The following RNGTT variants were observed in gnomAD, a reference collection of about 807,000 sequenced individuals.
RNGTT encodes the protein RNA guanylyltransferase and 5'-phosphatase, also known as mRNA-capping enzyme.
RNGTT carries 33 observed loss-of-function variants against 79.3 expected under a neutral mutation model. The ratio of observed to expected loss-of-function variants is 0.42; its 90% CI spans 0.32 to 0.56. The LOEUF (loss-of-function observed/expected upper bound fraction) is 0.56. Ranked by LOEUF, RNGTT falls within the 20% of genes least tolerant of loss-of-function variation. The pLI, the probability that RNGTT is intolerant of heterozygous loss-of-function variation, is 0.17. For missense variants in RNGTT, 497 were observed against 739.1 expected (o/e 0.67, Z 3.80); for synonymous variants, 222 against 235.9 (o/e 0.94, Z 0.54).
chr6:88,771,316 T>TGTGTGTATATATATATATAG (rs1778662533), intron 12 of RNGTT, among the ~76,000 whole-genome samples: 1 of 13,662 alleles, frequency 7.3e-5, no homozygotes, highest in Non-Finnish European at 2.1e-4. Flanking sequence ...TGTGTGTGTG[T>TGTGTGTATATATATATATAG]ATATATATAT....
chr6:88,669,686 T>C lies in RNGTT; in HGVS notation c.1506+8667A>G, dbSNP rs573735427. 3.3e-5 allele frequency among the ~76,000 whole-genome samples: 5 copies of C among 152,332 alleles called. No homozygotes were observed. In the East Asian group the frequency reaches 7.7e-4, roughly 24 times the overall value. On this transcript the variant is annotated intron_variant, in intron 14 of 15. Coordinates refer to ENST00000369485, the MANE Select transcript of RNGTT (RefSeq NM_003800.5). ...CTAGACTATACTGGATATGTGGACA[T>C]AGAGCCTATGCCAAGCTACCTGATC...
chr6:88,949,218 CCAGTGAA>C (rs1490726998), intron 1 of RNGTT, among the ~76,000 whole-genome samples: 2 of 141,508 alleles, frequency 1.4e-5, no homozygotes, highest in South Asian at 4.5e-4. Context: ...AAGTGCTACT[CCAGTGAA>C]CACACAAATG....
chr6:88,865,728 T>C (rs145296130), intron 8 of RNGTT, among the ~76,000 whole-genome samples: 1 of 152,280 alleles, frequency 6.6e-6, no homozygotes, highest in East Asian at 1.9e-4. Flanking sequence ...AAGAGCTTGT[T>C]TTCTAAACAT....
chr6:88,682,749 T>C (rs1222757272), intron 13 of RNGTT, among the ~76,000 whole-genome samples: 7 of 152,034 alleles, frequency 4.6e-5, no homozygotes, highest in Non-Finnish European at 1.0e-4. Context: ...CTCTCCTTCC[T>C]CCCACATAAA....
At position 88,681,737 on chromosome 6, in the gene RNGTT, T is replaced by C. The variant is rs182546928; in HGVS notation, c.1440-3318A>G. On this transcript the variant is annotated intron_variant, in intron 13 of 15. Coordinates refer to ENST00000369485, the MANE Select transcript of RNGTT (RefSeq NM_003800.5). ...ACACATTTATATGTATATTTTAAAA[T>C]AGAAACCCTGACTCACTTGGTACCA... Among the ~76,000 whole-genome samples the C allele has an allele frequency of 1.8e-3, 277 of 152,284 alleles. 3 individuals are homozygous for C. Among genetic ancestry groups the C allele is most frequent in the African/African-American group, 6.5e-3 (271 of 41,568 alleles).
At chr6:88,798,275 G>A (rs957903689) in intron 12 of RNGTT, among the ~76,000 whole-genome samples, 15 of 151,960 alleles carry the variant, frequency 9.9e-5, no homozygotes, top group African/African-American at 3.1e-4. Context: ...GACCAGCCTC[G>A]GCAACAAGGC....
chr6:88,739,329 C>A (rs1479442712), intron 13 of RNGTT, among the ~76,000 whole-genome samples: 2 of 152,002 alleles, frequency 1.3e-5, no homozygotes, highest in South Asian at 4.1e-4. Flanking sequence ...TTAAACACTT[C>A]CAGCTGGTAA....
intron 11 of RNGTT, among the ~76,000 whole-genome samples, chr6:88,811,139 T>C (rs549829638): frequency 2.0e-5 from 3 of 152,192 alleles, no homozygotes; most frequent in Admixed American, 2.0e-4. Context: ...TTGAAAAATC[T>C]TGGAGAAATT....
At chr6:88,859,278 A>C (rs1781934922) in intron 8 of RNGTT, among the ~76,000 whole-genome samples, 1 of 152,148 alleles carries the variant, frequency 6.6e-6, no homozygotes, top group Non-Finnish European at 1.5e-5. Context: ...TGCAGAATTC[A>C]AACCCAGGAG....
chr6:88,711,803 T>A (rs573865546), intron 13 of RNGTT, among the ~76,000 whole-genome samples: 1 of 152,232 alleles, frequency 6.6e-6, no homozygotes. Context: ...TTCACCCATT[T>A]ACTCATTTTT....
chr6:88,732,311 A>T (rs1777143071), intron 13 of RNGTT, among the ~76,000 whole-genome samples: 3 of 152,246 alleles, frequency 2.0e-5, no homozygotes, highest in Admixed American at 2.0e-4. Context: ...TGGAAATGCA[A>T]ATCCAAACTA....
At chr6:88,893,894 A>C (rs1783136326) in intron 6 of RNGTT, among the ~76,000 whole-genome samples, 1 of 152,190 alleles carries the variant, frequency 6.6e-6, no homozygotes, top group South Asian at 2.1e-4. Flanking sequence ...TAATGTTACT[A>C]CAATAGTTCT....
intron 12 of RNGTT, among the ~76,000 whole-genome samples, chr6:88,798,062 T>C (rs932048010): frequency 6.6e-5 from 10 of 151,928 alleles, no homozygotes; most frequent in African/African-American, 2.2e-4. Context: ...AAATCACTCA[T>C]TTAATTGGTT....
chr6:88,767,202 GA>G (rs1287119218), intron 13 of RNGTT, among the ~76,000 whole-genome samples: 1 of 151,984 alleles, frequency 6.6e-6, no homozygotes, highest in Non-Finnish European at 1.5e-5. Context: ...ATTCCTATCT[GA>G]AAATCACCTT....
At chr6:88,688,623 A>G (rs1294547962) in intron 13 of RNGTT, among the ~76,000 whole-genome samples, 1 of 152,260 alleles carries the variant, frequency 6.6e-6, no homozygotes, top group African/African-American at 2.4e-5. Context: ...AAAGCATGTC[A>G]AAAAGACACA....
chr6:88,761,496 A>G (rs1778252501), intron 13 of RNGTT, among the ~76,000 whole-genome samples: 1 of 115,742 alleles, frequency 8.6e-6, no homozygotes, highest in Non-Finnish European at 2.0e-5. Flanking sequence ...ATCTCAAAAC[A>G]AACAAACAAC....
chr6:88,630,585 C>G (rs1562158516), intron 14 of RNGTT, among the ~76,000 whole-genome samples: 1 of 152,172 alleles, frequency 6.6e-6, no homozygotes, highest in East Asian at 1.9e-4. Flanking sequence ...GATGGCAGAG[C>G]AAATAGCTGA....
At chr6:88,623,914 A>G (rs1160559494) in intron 14 of RNGTT, among the ~76,000 whole-genome samples, 2 of 152,076 alleles carry the variant, frequency 1.3e-5, no homozygotes, top group Non-Finnish European at 2.9e-5. Context: ...GCAGACTATA[A>G]GAATACTAAA....
chr6:88,706,585 G>A (rs929149743), intron 13 of RNGTT, among the ~76,000 whole-genome samples: 5 of 151,918 alleles, frequency 3.3e-5, no homozygotes, highest in African/African-American at 4.8e-5. Flanking sequence ...AAACTCTTTC[G>A]ACTAGCACTT....
Sources: allele counts gnomAD v4.1 joint callset (sites outside exome capture counted in the v4.1 genomes callset), GRCh38; gene constraint gnomAD v4.1.1; transcripts MANE v1.5; gene names NCBI Gene and HGNC (gene_info 2026-07-23, HGNC 2026-07-21).